WDR37: variants seen among roughly 807,000 people sequenced by gnomAD.
WDR37 encodes the protein WD repeat domain 37.
A neutral mutation model predicts 62.9 loss-of-function variants in WDR37; 19 were observed. That is an observed-to-expected ratio of 0.30 (90% CI 0.21 to 0.44). The LOEUF is 0.44. WDR37 is among the 20% of genes least tolerant of loss of function. WDR37 has a pLI of 1.00. For missense variants in WDR37, 474 were observed against 657.6 expected (o/e 0.72, Z 3.05); for synonymous variants, 250 against 260.9 (o/e 0.96, Z 0.40).
chr10:1,127,705 G>A (rs1178969722), intron 13 of WDR37, among the ~76,000 whole-genome samples: 1 of 152,214 alleles, frequency 6.6e-6, no homozygotes, highest in Non-Finnish European at 1.5e-5. Flanking sequence ...CTGCGCAAGG[G>A]TCTCTGTGAC....
chr10:1,108,675 C>G (rs560033527), intron 11 of WDR37, among the ~76,000 whole-genome samples: 1 of 151,342 alleles, frequency 6.6e-6, no homozygotes, highest in Non-Finnish European at 1.5e-5. Flanking sequence ...AGCATAGACA[C>G]CTGCACTTTG....
At chr10:1,126,286 G>A (rs372155782) in intron 13 of WDR37, among the ~76,000 whole-genome samples, 2 of 151,708 alleles carry the variant, frequency 1.3e-5, no homozygotes, top group Non-Finnish European at 2.9e-5. Context: ...GGCGTCTGTA[G>A]TCCCAGCTAC....
intron 1 of WDR37, among the ~76,000 whole-genome samples, chr10:1,066,239 C>T (rs1245013854): frequency 6.6e-6 from 1 of 152,176 alleles, no homozygotes; most frequent in Non-Finnish European, 1.5e-5. Context: ...CCTCAGCCTC[C>T]TGAGTATCTG....
At chr10:1,074,392 G>T in intron 2 of WDR37, 1 of 1,296,844 alleles carries the variant, frequency 7.7e-7, no homozygotes, top group African/African-American at 1.5e-5. Context: ...AGGTCTCCAA[G>T]CCGCACGGCC....
chr10:1,102,762 C>G (rs1402339711), intron 9 of WDR37, among the ~76,000 whole-genome samples: 1 of 152,152 alleles, frequency 6.6e-6, no homozygotes, highest in Non-Finnish European at 1.5e-5. Flanking sequence ...GACAAATTTC[C>G]AAATTATCAG....
chr10:1,086,136 T>G, intron 6 of WDR37, 150 bp from the exon 7 acceptor site: 1 of 601,892 alleles, frequency 1.7e-6, no homozygotes, highest in East Asian at 3.1e-5. Context: ...CTTTGATCAA[T>G]TGAAGCATAC....
At chr10:1,101,721 T>G (rs757308914) in intron 9 of WDR37, among the ~76,000 whole-genome samples, 13 of 152,182 alleles carry the variant, frequency 8.5e-5, no homozygotes, top group Non-Finnish European at 1.5e-4. Context: ...CGACTTTGCC[T>G]CCCGTAGCTG....
chr10:1,078,477 C>T (rs1044623173), intron 3 of WDR37, among the ~76,000 whole-genome samples: 1 of 152,168 alleles, frequency 6.6e-6, no homozygotes, highest in South Asian at 2.1e-4. Flanking sequence ...ACCATTACCC[C>T]TCAAGCCCAT....
chr10:1,127,927 T>A (rs927731080), intron 13 of WDR37, among the ~76,000 whole-genome samples: 1 of 152,260 alleles, frequency 6.6e-6, no homozygotes, highest in African/African-American at 2.4e-5. Flanking sequence ...GCTGGCTTTC[T>A]TCTGGAAGCT....
intron 8 of WDR37, among the ~76,000 whole-genome samples, chr10:1,095,689 T>G (rs1284514628): frequency 6.6e-6 from 1 of 152,210 alleles, no homozygotes; most frequent in Non-Finnish European, 1.5e-5. Context: ...CCTCGCAAAC[T>G]GGCTGCTGAA....
At chr10:1,072,326 G>T in intron 2 of WDR37, 33 bp downstream of exon 2, 1 of 1,603,948 alleles carries the variant, frequency 6.2e-7, no homozygotes, top group Non-Finnish European at 8.5e-7. Context: ...CTTATTGATT[G>T]ATTGATTTTT....
rs111644380 is a variant in WDR37, at chr10:1,058,213, G to C, written c.-41+1245G>C. Among the ~76,000 whole-genome samples the C allele has an allele frequency of 2.4e-3, 373 of 152,338 alleles. 4 individuals are homozygous for C. The highest frequency in any genetic ancestry group is 8.6e-3 in the African/African-American group (358 of 41,574). On this transcript the variant is annotated intron_variant, in intron 1 of 13. Transcript: ENST00000263150. ...GTGCACTGGCCACGTCTCAACAGCA[G>C]TGTGACCTTGGGCAAGGCCTTCCTA...
In WDR37 at chr10:1,103,663, T is replaced by C. The variant is rs887734606; in HGVS notation, c.788T>C (p.Val263Ala). ...DKDEPDLDGDVSSDCPTIRVP... is the reference protein window; with the variant it reads ...DKDEPDLDGDASSDCPTIRVP... ...GACGAGCCCGACCTCGATGGGGATG[T>C]GTCCAGCGACTGCCCCACCATCCGC... is the stretch of plus-strand genomic sequence containing the variant. The change falls in exon 10 of 14, where the codon GTG becomes GCG. Residue 263 changes from valine (V) to alanine (A), a missense_variant. Val to Ala is a moderately conservative substitution (Grantham distance 64, BLOSUM62 0). Transcript: ENST00000263150. This position sits in a 1 kb window ranked among gnomAD's most constrained non-coding sequence, Gnocchi z 6.3. The C allele has an allele frequency of 1.9e-6, 3 of 1,614,124 alleles. No individual in the cohort carries two copies. The highest frequency in any genetic ancestry group is 2.5e-6 in the Non-Finnish European group (3 of 1,180,050).
chr10:1,095,665 C>T (rs575950131), intron 8 of WDR37, among the ~76,000 whole-genome samples: 6 of 152,282 alleles, frequency 3.9e-5, no homozygotes, highest in African/African-American at 1.4e-4. Context: ...TTCCAATCCT[C>T]AGTCAAAGCG....
At position 1,124,219 on chromosome 10, in the gene WDR37, A is replaced by T; in HGVS notation, c.1105A>T (p.Thr369Ser). 6.2e-7 allele frequency: 1 copy of T among 1,614,126 alleles called. No individual in the cohort carries two copies. Among genetic ancestry groups the T allele is most frequent in the Non-Finnish European group, 8.5e-7 (1 of 1,180,032 alleles). ...SVNVFQGHTD[T>S]VTSAVFTVGD... ...TGACTCTGTGCCCTTTGTTCATAGC[A>T]CTGTGACTTCTGCCGTGTTCACCGT... The change falls in exon 12 of 14, where the codon ACT (threonine) becomes TCT (serine). Residue 369 changes from threonine to serine, a missense_variant and splice_region_variant. Coordinates refer to ENST00000263150, the MANE Select transcript of WDR37 (RefSeq NM_014023.4).
At chr10:1,078,968 A>G (rs1833951294) in intron 3 of WDR37, among the ~76,000 whole-genome samples, 1 of 152,248 alleles carries the variant, frequency 6.6e-6, no homozygotes, top group African/African-American at 2.4e-5. Context: ...TGAATAATGA[A>G]GAGAATATAA....
At position 1,077,889 on chromosome 10, in the gene WDR37, CA is replaced by C; in HGVS notation, c.139-15del. The C allele has an allele frequency of 6.3e-7, 1 of 1,588,752 alleles. No homozygotes were observed. Among genetic ancestry groups the C allele is most frequent in the Non-Finnish European group, 8.6e-7 (1 of 1,164,930 alleles). ...TTTTCATTCATTCATTCATTTTAAA[CA>C]AAGTCTTCTTCTGCAGGATTCTAAA... On this transcript the variant is annotated splice_polypyrimidine_tract_variant and intron_variant, in intron 2 of 13. Transcript: ENST00000263150.
At chr10:1,078,899 CAA>C (rs547599282) in intron 3 of WDR37, among the ~76,000 whole-genome samples, 450 of 152,316 alleles carry the variant, frequency 3.0e-3, no homozygotes, top group East Asian at 5.4e-3. Context: ...TGAATACTAA[CAA>C]AGAGCATTTC....
At chr10:1,125,787 G>C (rs779886340) in intron 13 of WDR37, among the ~76,000 whole-genome samples, 2 of 152,232 alleles carry the variant, frequency 1.3e-5, no homozygotes, top group African/African-American at 2.4e-5. Context: ...TCTATGGCAG[G>C]CTGTTGCGAC....
Sources: gnomAD v4.1 joint callset for allele counts (sites outside exome capture counted in the v4.1 genomes callset) on GRCh38, gnomAD v4.1.1 for gene constraint, Gnocchi (gnomAD v3.1) non-coding constraint, MANE v1.5 for transcripts, NCBI Gene and HGNC (gene_info 2026-07-23, HGNC 2026-07-21) for gene names.